NSUN4: variants seen among roughly 807,000 people sequenced by gnomAD.
NSUN4 encodes 5-cytosine rRNA methyltransferase NSUN4.
In NSUN4, 31 loss-of-function variants were observed where a neutral mutation model predicts 43.8. The ratio of observed to expected loss-of-function variants is 0.71; its 90% CI spans 0.53 to 0.96. The LOEUF is 0.96. Ranked by LOEUF, NSUN4 falls within the 40% of genes least tolerant of loss-of-function variation. The probability of loss-of-function intolerance (pLI) is 0.00; values close to 1 mark genes in which losing one functional copy is unlikely to be tolerated. For synonymous variants in NSUN4, 167 were observed against 184.1 expected, an observed-to-expected ratio of 0.91 and a Z score of 0.75; for missense variants, 439 against 475.6, an observed-to-expected ratio of 0.92 and a Z score of 0.72.
intron 1 of NSUN4, chr1:46,341,505 G>C: frequency 9.5e-7 from 1 of 1,051,926 alleles, no homozygotes; most frequent in South Asian, 4.5e-5. Flanking sequence ...AAGGTGCAAC[G>C]AATCCTCTCA....
At chr1:46,378,199 A>G in the NSUN4 span, among the ~76,000 whole-genome samples, 1 of 81,032 alleles carries the variant, frequency 1.2e-5, no homozygotes, top group Admixed American at 2.0e-4. Context: ...GCCATAGCAG[A>G]GATTTTTTTT....
At chr1:46,372,877 C>G in the NSUN4 span, among the ~76,000 whole-genome samples, 4 of 152,194 alleles carry the variant, frequency 2.6e-5, no homozygotes, top group East Asian at 7.7e-4. Context: ...CACGTGCCAC[C>G]ACGCCCAGTT....
At chr1:46,377,757 C>T in the NSUN4 span, among the ~76,000 whole-genome samples, 11 of 152,160 alleles carry the variant, frequency 7.2e-5, no homozygotes, top group East Asian at 7.7e-4. Context: ...AAGCATTTCC[C>T]GAACATTAAG....
the NSUN4 span, among the ~76,000 whole-genome samples, chr1:46,384,514 T>C: frequency 4.6e-5 from 7 of 152,214 alleles, no homozygotes; most frequent in African/African-American, 1.7e-4. Context: ...TATTATTCCT[T>C]TCCATTTACC....
intron 1 of NSUN4, chr1:46,344,126 TCCCCTG>T (rs1662312891): frequency 5.1e-6 from 1 of 194,190 alleles, no homozygotes; most frequent in Non-Finnish European, 1.0e-5. Flanking sequence ...TGTCCTCTTG[TCCCCTG>T]CTACCCCCAT....
At chr1:46,351,153 G>C (rs1662948711) in intron 3 of NSUN4, among the ~76,000 whole-genome samples, 1 of 152,058 alleles carries the variant, frequency 6.6e-6, no homozygotes, top group African/African-American at 2.4e-5. Flanking sequence ...ATCACCTGAG[G>C]TCGGGAGTTC....
rs1472791173 is a variant in NSUN4 at position 46,363,210 on chromosome 1, G to A, written c.*1364G>A. On this transcript the variant is annotated 3_prime_UTR_variant, in exon 6 of 6. Coordinates refer to ENST00000474844, the MANE Select transcript of NSUN4 (RefSeq NM_199044.4). ...CTTTTGGGATTTGCATTGTAATTGAGGGCCCTGGAAGATCTCTGAGACTCA... is the reference window on the plus strand; with the variant it reads ...CTTTTGGGATTTGCATTGTAATTGAAGGCCCTGGAAGATCTCTGAGACTCA... 6.6e-6 allele frequency: 1 copy of A among 152,206 alleles called. No homozygotes were observed. The highest frequency in any genetic ancestry group is 1.5e-5 in the Non-Finnish European group (1 of 68,100). 9.4% of individuals were successfully genotyped at this position (152,206 alleles called of 1,614,324 possible).
chr1:46,376,955 A>C, the NSUN4 span, among the ~76,000 whole-genome samples: 2 of 151,896 alleles, frequency 1.3e-5, no homozygotes, highest in Non-Finnish European at 2.9e-5. Context: ...AAGGGGTTTC[A>C]CCATGTTGGC....
At chr1:46,374,981 G>A in the NSUN4 span, among the ~76,000 whole-genome samples, 4 of 151,792 alleles carry the variant, frequency 2.6e-5, no homozygotes, top group Non-Finnish European at 5.9e-5. Flanking sequence ...CAATTTATTC[G>A]TATTTCAAAA....
chr1:46,371,797 G>T, the NSUN4 span, among the ~76,000 whole-genome samples: 2 of 152,108 alleles, frequency 1.3e-5, no homozygotes, highest in African/African-American at 4.8e-5. Flanking sequence ...CATGGCAAAA[G>T]CAGGAGCAAG....
intron 4 of NSUN4, among the ~76,000 whole-genome samples, chr1:46,359,397 G>A (rs1224185388): frequency 2.0e-5 from 3 of 149,522 alleles, no homozygotes; most frequent in Admixed American, 6.7e-5. Flanking sequence ...TTTCTTTTTC[G>A]AGGCGAAGTC....
At chr1:46,344,038 C>T (rs1258542994) in intron 1 of NSUN4, 5 of 356,440 alleles carry the variant, frequency 1.4e-5, no homozygotes, top group Non-Finnish European at 2.5e-5. Flanking sequence ...GCAAGCATCC[C>T]AGCTGCAGCA....
chr1:46,372,270 T>G, the NSUN4 span, among the ~76,000 whole-genome samples: 1 of 151,608 alleles, frequency 6.6e-6, no homozygotes, highest in Non-Finnish European at 1.5e-5. Context: ...CCTCCCAAGT[T>G]GCTGGGACTA....
chr1:46,369,946 A>G (rs1358176456), downstream of NSUN4, among the ~76,000 whole-genome samples: 1 of 152,240 alleles, frequency 6.6e-6, no homozygotes, highest in East Asian at 1.9e-4. Flanking sequence ...TGAGGAAGTT[A>G]AATAACTGGC....
intron 4 of NSUN4, among the ~76,000 whole-genome samples, chr1:46,360,004 C>T (rs6666448): frequency 0.21 from 30,919 of 150,210 alleles, 3,863 homozygotes; most frequent in Non-Finnish European, 0.29. Flanking sequence ...CCAAGGCGGG[C>T]AGATCATGAG....
At chr1:46,366,623 C>T (rs1211458331), downstream of NSUN4, among the ~76,000 whole-genome samples, 1 of 147,384 alleles carries the variant, frequency 6.8e-6, no homozygotes, top group Non-Finnish European at 1.5e-5. Context: ...CTTTGGGAGG[C>T]CAAGGCAGGT....
downstream of NSUN4, among the ~76,000 whole-genome samples, chr1:46,369,268 G>T (rs1299597131): frequency 6.6e-6 from 1 of 152,108 alleles, no homozygotes; most frequent in Non-Finnish European, 1.5e-5. Flanking sequence ...AATTGTTAGG[G>T]ACAGTAAGCT....
the NSUN4 span, among the ~76,000 whole-genome samples, chr1:46,380,283 G>A: frequency 2.0e-5 from 3 of 152,206 alleles, no homozygotes; most frequent in Non-Finnish European, 2.9e-5. Flanking sequence ...GACTGCGGAT[G>A]CTGACAGGGA....
chr1:46,366,573 G>A (rs1299117429), downstream of NSUN4, among the ~76,000 whole-genome samples: 1 of 151,874 alleles, frequency 6.6e-6, no homozygotes, highest in Admixed American at 6.6e-5. Flanking sequence ...GGGGTTGGCT[G>A]GGCATGGTGG....
Sources: gnomAD v4.1 joint callset for allele counts (sites outside exome capture counted in the v4.1 genomes callset) on GRCh38, gnomAD v4.1.1 for gene constraint, MANE v1.5 for transcripts, NCBI Gene and HGNC (gene_info 2026-07-23, HGNC 2026-07-21) for gene names.